SCN8A: variants seen among roughly 807,000 people sequenced by gnomAD.
SCN8A encodes the protein sodium channel protein type 8 subunit alpha.
In SCN8A, 30 loss-of-function variants were observed where a neutral mutation model predicts 184.1. The ratio of observed to expected loss-of-function variants is 0.16; its 90% CI spans 0.12 to 0.22. The LOEUF (loss-of-function observed/expected upper bound fraction) is 0.22, where lower values mean the gene tolerates loss of function less well. Among genes scored for constraint, SCN8A ranks in the 10% least tolerant of loss-of-function variants. SCN8A has a pLI of 1.00. For synonymous variants in SCN8A, 852 were observed against 907.0 expected (o/e 0.94, Z 1.09); for missense variants, 1,057 against 2,498.9 (o/e 0.42, Z 12.30).
intron 5 of SCN8A, among the ~76,000 whole-genome samples, chr12:51,688,419 T>C (rs1333039771): frequency 6.6e-6 from 1 of 152,184 alleles, no homozygotes; most frequent in African/African-American, 2.4e-5. Context: ...TCTTAAGAAA[T>C]TGTTCGCAAA....
At chr12:51,609,125 A>AT (rs766149948) in intron 1 of SCN8A, among the ~76,000 whole-genome samples, 24 of 152,156 alleles carry the variant, frequency 1.6e-4, no homozygotes, top group Non-Finnish European at 2.5e-4. Context: ...GTTTTCTTAA[A>AT]TTTATTGAGA....
intron 11 of SCN8A, among the ~76,000 whole-genome samples, chr12:51,714,462 G>A (rs181234793): frequency 0.014 from 2,055 of 152,204 alleles, 38 homozygotes; most frequent in African/African-American, 0.046. Flanking sequence ...TAAATATTAT[G>A]AAACTGTCAG....
chr12:51,623,788 C>T (rs903280890), intron 1 of SCN8A, among the ~76,000 whole-genome samples: 5 of 152,212 alleles, frequency 3.3e-5, no homozygotes, highest in Non-Finnish European at 5.9e-5. Context: ...CAACAGGCCC[C>T]GGTGTGTGAT....
At chr12:51,791,992 T>C (rs1251997958) in intron 25 of SCN8A, among the ~76,000 whole-genome samples, 1 of 152,210 alleles carries the variant, frequency 6.6e-6, no homozygotes, top group Non-Finnish European at 1.5e-5. Context: ...GCACTAAGCA[T>C]TATGTGATGA....
At chr12:51,697,614 G>A (rs1638474751) in intron 6 of SCN8A, among the ~76,000 whole-genome samples, 1 of 152,138 alleles carries the variant, frequency 6.6e-6, no homozygotes, top group Admixed American at 6.5e-5. Context: ...TTTGAGGAGG[G>A]TACCATATGT....
At chr12:51,738,267 T>G (rs1458450568) in intron 12 of SCN8A, among the ~76,000 whole-genome samples, 1 of 152,204 alleles carries the variant, frequency 6.6e-6, no homozygotes, top group East Asian at 1.9e-4. Context: ...GTAATAAATC[T>G]CTTCCCCATA....
chr12:51,802,438 T>C (rs1938582190), intron 26 of SCN8A, among the ~76,000 whole-genome samples: 1 of 152,214 alleles, frequency 6.6e-6, no homozygotes, highest in African/African-American at 2.4e-5. Flanking sequence ...AGGGTCCCAT[T>C]CTTTTCCAAT....
chr12:51,616,785 G>C (rs1939848943), intron 1 of SCN8A, among the ~76,000 whole-genome samples: 1 of 151,926 alleles, frequency 6.6e-6, no homozygotes. Flanking sequence ...CAGGCATGGT[G>C]GTGCATACCT....
intron 1 of SCN8A, among the ~76,000 whole-genome samples, chr12:51,642,139 T>C (rs1940470987): frequency 6.6e-6 from 1 of 152,222 alleles, no homozygotes; most frequent in Non-Finnish European, 1.5e-5. Flanking sequence ...TCATTATCAT[T>C]ATTTGGAGAG....
At chr12:51,766,297 A>G in intron 16 of SCN8A, 1 of 517,096 alleles carries the variant, frequency 1.9e-6, no homozygotes, top group Non-Finnish European at 3.5e-6. Flanking sequence ...ACTTTCCCAA[A>G]TAAATATAGG....
At chr12:51,770,814 G>A (rs977481164) in intron 19 of SCN8A, 131 bp downstream of exon 19, 1 of 917,928 alleles carries the variant, frequency 1.1e-6, no homozygotes, top group Non-Finnish European at 1.7e-6. Flanking sequence ...AGAATGATCT[G>A]TTAAAGTGCT....
At position 51,788,287 on chromosome 12, in the gene SCN8A, C is replaced by CTTT. The variant is rs66672221; in HGVS notation, c.4228-389_4228-387dup. ...TTTTCCAACCCCCATCGCTTAACAC[C>CTTT]TTTTTTTTTTTTTTTTTTTTTGCTT... On this transcript the variant is annotated intron_variant, in intron 22 of 26. Transcript: ENST00000627620. Among the ~76,000 whole-genome samples the CTTT allele has an allele frequency of 6.0e-4, 50 of 83,996 alleles. 1 individual carries two copies. The highest frequency in any genetic ancestry group is 2.5e-3 in the East Asian group (6 of 2,412). The allele number at this position is 83,996 out of a possible 152,430, so 55.1% of individuals were successfully genotyped here. A position where few individuals can be genotyped will look rare whatever the true frequency, so the allele number is the denominator to read the frequency against.
intron 17 of SCN8A, 50 bp from the exon 18 acceptor site, chr12:51,769,818 G>T: frequency 8.6e-7 from 1 of 1,161,784 alleles, no homozygotes. Flanking sequence ...AGTGTGGAGT[G>T]GGCATGTTGC....
intron 1 of SCN8A, among the ~76,000 whole-genome samples, chr12:51,647,394 C>T (rs1465755913): frequency 6.6e-6 from 1 of 152,168 alleles, no homozygotes; most frequent in Non-Finnish European, 1.5e-5. Flanking sequence ...GAGACCAGTT[C>T]TTGAGAATCA....
chr12:51,805,177 A>G (rs997960577), intron 26 of SCN8A, among the ~76,000 whole-genome samples: 22 of 152,204 alleles, frequency 1.4e-4, no homozygotes, highest in Non-Finnish European at 2.9e-5. Flanking sequence ...ACTACCACTC[A>G]ATTGTTAGAA....
chr12:51,623,223 G>A (rs1315998985), intron 1 of SCN8A, among the ~76,000 whole-genome samples: 1 of 152,146 alleles, frequency 6.6e-6, no homozygotes, highest in Non-Finnish European at 1.5e-5. Flanking sequence ...GGCCCTCTCA[G>A]TGAATAGAGT....
chr12:51,770,940 C>A (rs1450985590), intron 19 of SCN8A, among the ~76,000 whole-genome samples: 1 of 152,212 alleles, frequency 6.6e-6, no homozygotes, highest in African/African-American at 2.4e-5. Flanking sequence ...TCCTTAGCAG[C>A]CCCTAAAATG....
intron 26 of SCN8A, among the ~76,000 whole-genome samples, chr12:51,804,343 T>C (rs76488113): frequency 6.6e-6 from 1 of 151,730 alleles, no homozygotes; most frequent in South Asian, 2.1e-4. Flanking sequence ...TTTTTTTTTT[T>C]AAAGACAGAG....
intron 1 of SCN8A, among the ~76,000 whole-genome samples, chr12:51,608,291 T>G (rs572988176): frequency 8.9e-4 from 136 of 152,232 alleles, no homozygotes; most frequent in Non-Finnish European, 1.5e-3. Context: ...ATTACAGGCG[T>G]GAGCCACCGC....
Sources: allele counts gnomAD v4.1 joint callset (sites outside exome capture counted in the v4.1 genomes callset), GRCh38; gene constraint gnomAD v4.1.1; transcripts MANE v1.5; gene names NCBI Gene and HGNC (gene_info 2026-07-23, HGNC 2026-07-21).